Variants in UNC5A observed in about 807,000 individuals in gnomAD.
UNC5A encodes the protein unc-5 netrin receptor A.
In UNC5A, 20 loss-of-function variants were observed where a neutral mutation model predicts 87.4. That is an observed-to-expected ratio of 0.23 (90% CI 0.16 to 0.33). The LOEUF (loss-of-function observed/expected upper bound fraction) is 0.33, where lower values mean the gene tolerates loss of function less well. Ranked by LOEUF, UNC5A falls within the 10% of genes least tolerant of loss-of-function variation. UNC5A has a pLI of 1.00. For synonymous variants in UNC5A, 438 were observed against 482.3 expected, an observed-to-expected ratio of 0.91 and a Z score of 1.20; for missense variants, 844 against 1,133.4, an observed-to-expected ratio of 0.74 and a Z score of 3.67.
intron 1 of UNC5A, among the ~76,000 whole-genome samples, chr5:176,857,432 G>T (rs1240708396): frequency 6.6e-6 from 1 of 152,070 alleles, no homozygotes. Context: ...CCGGCCCCGG[G>T]GACTCATCTG....
Position 176,874,057 on chromosome 5 carries a change from G to T in UNC5A, c.976G>T (p.Val326Phe). 6.2e-7 allele frequency: 1 copy of T among 1,614,048 alleles called. No individual in the cohort carries two copies. Among genetic ancestry groups the T allele is most frequent in the East Asian group, 2.2e-5 (1 of 44,884 alleles). The change falls in exon 7 of 15, where the codon GTT becomes TTT. Residue 326 changes from valine (V) to phenylalanine (F), a missense_variant. Around this residue, in one of 3 missense-constraint regions of UNC5A, gnomAD observed 314 missense variants for 466.5 expected, o/e 0.67. Transcript: ENST00000329542. This position sits in a 1 kb window ranked among gnomAD's most constrained non-coding sequence, Gnocchi z 7.6. ...LVLLLLVLIL[V>F]YCRKKEGLDS... ...CCTGCTGCTGCTTGTCCTCATCCTC[G>T]TTTATTGCCGGAAGAAGGAGGGGCT...
intron 5 of UNC5A, 55 bp from the exon 6 acceptor site, chr5:176,870,315 G>C: frequency 6.3e-7 from 1 of 1,580,588 alleles, no homozygotes; most frequent in Non-Finnish European, 8.6e-7. Flanking sequence ...GCAGACTGCC[G>C]GGGTGGGCTC....
At chr5:176,859,193 GCCC>G (rs1757763974) in intron 1 of UNC5A, among the ~76,000 whole-genome samples, 1 of 60,838 alleles carries the variant, frequency 1.6e-5, no homozygotes, top group African/African-American at 8.8e-5. Context: ...CTGCTAGAAT[GCCC>G]TTGCTAGAGG....
chr5:176,830,460 G>C (rs527694527), intron 1 of UNC5A, among the ~76,000 whole-genome samples: 1 of 142,472 alleles, frequency 7.0e-6, no homozygotes, highest in East Asian at 2.2e-4. Flanking sequence ...TGTGTTGTGC[G>C]TGTGTGTGTG....
At chr5:176,843,354 G>A (rs560251422) in intron 1 of UNC5A, among the ~76,000 whole-genome samples, 1 of 152,006 alleles carries the variant, frequency 6.6e-6, no homozygotes, top group Non-Finnish European at 1.5e-5. Flanking sequence ...CGCTAAAGAA[G>A]CCAGACACGA....
intron 1 of UNC5A, among the ~76,000 whole-genome samples, chr5:176,840,546 C>G (rs1341798722): frequency 6.6e-6 from 1 of 152,218 alleles, no homozygotes; most frequent in Non-Finnish European, 1.5e-5. Context: ...TTGAGAGAAC[C>G]CTCACCCTGT....
At chr5:176,872,958 A>G (rs2962841) in intron 6 of UNC5A, among the ~76,000 whole-genome samples, 4 of 58,876 alleles carry the variant, frequency 6.8e-5, no homozygotes, top group South Asian at 7.8e-4. Context: ...GCCCACACTC[A>G]CCCAACACCA....
rs145966608 is a variant in UNC5A at position 176,877,792 on chromosome 5, C to T, written c.1635+89C>T. 8.3e-4 allele frequency: 1,260 copies of T among 1,513,640 alleles called. 15 individuals are homozygous for T. The East Asian group carries it at 0.024, about 29-fold the overall frequency. The allele number at this position is 1,513,640 out of a possible 1,614,324, so 93.8% of individuals were successfully genotyped here. A position where few individuals can be genotyped will look rare whatever the true frequency, so the allele number is the denominator to read the frequency against. ...CTTCCACCGCTGGGTGGTCCTGAGC[C>T]GCACCCCCACCCCTCCCCAGTCTCC... On this transcript the variant is annotated intron_variant, in intron 10 of 14. Coordinates refer to ENST00000329542, the MANE Select transcript of UNC5A (RefSeq NM_133369.3).
At position 176,874,237 on chromosome 5, in the gene UNC5A, T is replaced by C. The variant is rs1382585316; in HGVS notation, c.1076-27T>C. 37 of 1,585,218 alleles carry C rather than the reference T, an allele frequency of 2.3e-5. No individual in the cohort carries two copies. Among genetic ancestry groups the C allele is most frequent in the Non-Finnish European group, 3.1e-5 (36 of 1,163,578 alleles). The stretch of plus-strand genomic sequence containing the variant: ...TGGGGCAGGGATGCCCTAGGTGCCA[T>C]TGCCTGAGTCTGTCTTTATCCTGCA... On this transcript the variant is annotated intron_variant, in intron 7 of 14. Coordinates refer to ENST00000329542, the MANE Select transcript of UNC5A (RefSeq NM_133369.3). This position sits in a 1 kb window ranked among gnomAD's most constrained non-coding sequence, Gnocchi z 7.6.
intron 1 of UNC5A, among the ~76,000 whole-genome samples, chr5:176,861,499 C>G (rs1757838668): frequency 6.6e-6 from 1 of 152,206 alleles, no homozygotes; most frequent in Non-Finnish European, 1.5e-5. Flanking sequence ...GGTCCCTGCG[C>G]AAGCAGGAGC....
At position 176,846,919 on chromosome 5, in the gene UNC5A, T is replaced by A. The variant is rs1172946330; in HGVS notation, c.71-15705T>A. Among the ~76,000 whole-genome samples the A allele has an allele frequency of 2.6e-5, 4 of 152,144 alleles. No individual in the cohort carries two copies. In the East Asian group the frequency reaches 7.7e-4, roughly 29 times the overall value. On this transcript the variant is annotated intron_variant, in intron 1 of 14. Coordinates refer to ENST00000329542, the MANE Select transcript of UNC5A (RefSeq NM_133369.3). ...GGCTGCTCTGAGAGGCTGGAGCGCA[T>A]CTCAGCAGGGGCGGACGTGCTTGGG...
In UNC5A at chr5:176,824,959, C is replaced by T. The variant is rs1001141610; in HGVS notation, c.70+14139C>T. Among the ~76,000 whole-genome samples, 1 of 152,222 alleles carries T rather than the reference C, an allele frequency of 6.6e-6. No individual in the cohort carries two copies. The highest frequency in any genetic ancestry group is 1.5e-5 in the Non-Finnish European group (1 of 68,044). ...GCGTCTCCCCACCCTGTGCACAGTG[C>T]TTGGTGGGTGTCAGGTACTGAGGCC... On this transcript the variant is annotated intron_variant, in intron 1 of 14. Transcript: ENST00000329542. The surrounding 1 kb of genome is among the most constrained non-coding windows in gnomAD (Gnocchi z 4.2).
Position 176,818,960 on chromosome 5 carries a change from G to A in UNC5A, c.70+8140G>A, listed in dbSNP as rs930885650. Among the ~76,000 whole-genome samples the A allele has an allele frequency of 3.3e-5, 5 of 152,322 alleles. No individual in the cohort carries two copies. The East Asian group carries it at 9.6e-4, about 29-fold the overall frequency. ...GCTTTAAGCCAAAGGGACTTGCCCG[G>A]GCCACACTTCTTCAGGCGACTGGGA... On this transcript the variant is annotated intron_variant, in intron 1 of 14. Transcript: ENST00000329542.
At chr5:176,837,596 G>A (rs113791735) in intron 1 of UNC5A, among the ~76,000 whole-genome samples, 2 of 152,202 alleles carry the variant, frequency 1.3e-5, no homozygotes, top group African/African-American at 2.4e-5. Context: ...TATCTGATGC[G>A]TGCAGAAGGT....
intron 1 of UNC5A, among the ~76,000 whole-genome samples, chr5:176,816,704 G>A (rs1040654264): frequency 3.3e-5 from 5 of 152,272 alleles, no homozygotes; most frequent in Admixed American, 1.3e-4. Context: ...CACCTCCTAG[G>A]ATTTTGTGCA....
At chr5:176,858,362 G>A (rs1757716207) in intron 1 of UNC5A, among the ~76,000 whole-genome samples, 1 of 152,218 alleles carries the variant, frequency 6.6e-6, no homozygotes, top group Admixed American at 6.5e-5. Context: ...ACTGGACAAA[G>A]AGGAAGGAAG....
At chr5:176,867,077 G>A (rs1013687836) in intron 2 of UNC5A, among the ~76,000 whole-genome samples, 4 of 152,172 alleles carry the variant, frequency 2.6e-5, no homozygotes, top group South Asian at 2.1e-4. Context: ...CGCTCTTCCC[G>A]CAATGCAGCC....
intron 1 of UNC5A, among the ~76,000 whole-genome samples, chr5:176,861,607 G>C (rs1187754309): frequency 6.6e-6 from 1 of 152,210 alleles, no homozygotes; most frequent in East Asian, 1.9e-4. Flanking sequence ...ATCACCCGTG[G>C]GGAGGGTGGA....
intron 6 of UNC5A, among the ~76,000 whole-genome samples, chr5:176,872,042 A>G (rs1430993088): frequency 5.7e-5 from 1 of 17,636 alleles, no homozygotes; most frequent in African/African-American, 1.9e-4. Flanking sequence ...GCCCACACTC[A>G]CCAACACCAC....
Sources: allele counts gnomAD v4.1 joint callset (sites outside exome capture counted in the v4.1 genomes callset), GRCh38; gene constraint gnomAD v4.1.1; regional missense constraint gnomAD v4.1.1; non-coding constraint Gnocchi (gnomAD v3.1); transcripts MANE v1.5; gene names NCBI Gene and HGNC (gene_info 2026-07-23, HGNC 2026-07-21).